CUX1: variants seen among roughly 807,000 people sequenced by gnomAD.
The protein encoded by CUX1 is protein CASP.
A neutral mutation model predicts 158.8 loss-of-function variants in CUX1; 31 were observed. The observed-to-expected ratio is 0.20, with a 90% CI of 0.15 to 0.26. The LOEUF is 0.26. CUX1 is among the 10% of genes least tolerant of loss of function. The pLI is 1.00. For missense variants in CUX1, 1,589 were observed against 2,014.6 expected, an observed-to-expected ratio of 0.79 and a Z score of 4.04; for synonymous variants, 879 against 862.1, an observed-to-expected ratio of 1.02 and a Z score of -0.34.
Position 102,196,940 on chromosome 7 carries a change from G to T in CUX1, c.1529G>T (p.Gly510Val). 1 of 1,614,098 alleles carries T rather than the reference G, an allele frequency of 6.2e-7. No homozygotes were observed. Among genetic ancestry groups the T allele is most frequent in the Non-Finnish European group, 8.5e-7 (1 of 1,180,014 alleles). The change falls in exon 15 of 24, where the codon GGT (glycine) becomes GTT (valine). Residue 510 changes from glycine to valine, a missense_variant. Gly to Val is a moderately radical substitution (Grantham distance 109, BLOSUM62 -3). Around this residue, in one of 8 missense-constraint regions of CUX1, gnomAD observed 515 missense variants for 574.4 expected, o/e 0.90. Transcript: ENST00000292535. ...AGCACAAGCATGATTTTTTCAACAG[G>T]TCCATACAGCACAAACTCCATATCT... is the stretch of plus-strand genomic sequence containing the variant. ...AGSTSMIFST[G>V]PYSTNSISSQ...
chr7:102,127,955 C>G (rs1341263179), intron 8 of CUX1, among the ~76,000 whole-genome samples: 3 of 152,236 alleles, frequency 2.0e-5, no homozygotes, highest in Non-Finnish European at 2.9e-5. Context: ...TTAAGCGATT[C>G]TTCTGCCTCG....
At chr7:101,980,589 C>A (rs1217692331) in intron 2 of CUX1, among the ~76,000 whole-genome samples, 2 of 152,174 alleles carry the variant, frequency 1.3e-5, no homozygotes, top group African/African-American at 4.8e-5. Flanking sequence ...TGACACAATC[C>A]AAAGTAGGTG....
chr7:102,084,732 A>C (rs1474745177), intron 4 of CUX1, among the ~76,000 whole-genome samples: 1 of 116,502 alleles, frequency 8.6e-6, no homozygotes, highest in African/African-American at 2.6e-5. Context: ...CACAATATAT[A>C]CTTTATTGAT....
chr7:102,061,372 A>G (rs574395548), intron 3 of CUX1, among the ~76,000 whole-genome samples: 2 of 152,208 alleles, frequency 1.3e-5, no homozygotes, highest in South Asian at 4.2e-4. Context: ...GCAATGCTGG[A>G]TGTTATCATA....
rs1440557523 is a variant in CUX1 at position 102,064,423 on chromosome 7, C to T, written c.190-5916C>T. ...GGCACGAGGTAGCTGGAATTCTAGC[C>T]TAGGATTCTCTCTTCAGCAATTCTT... On this transcript the variant is annotated intron_variant, in intron 3 of 23. Coordinates refer to ENST00000292535, the MANE Select transcript of CUX1 (RefSeq NM_181552.4). Among the ~76,000 whole-genome samples, 6 of 152,208 alleles carry T rather than the reference C, an allele frequency of 3.9e-5. No individual in the cohort carries two copies. In the East Asian group the frequency reaches 1.2e-3, roughly 29 times the overall value.
At chr7:101,951,147 TAGCAA>T (rs1480177451) in intron 2 of CUX1, among the ~76,000 whole-genome samples, 3 of 152,088 alleles carry the variant, frequency 2.0e-5, no homozygotes, top group Non-Finnish European at 4.4e-5. Context: ...CTGGGCAACA[TAGCAA>T]AACACCATCT....
chr7:102,190,485 C>G (rs1259837435), intron 12 of CUX1, among the ~76,000 whole-genome samples: 2 of 152,148 alleles, frequency 1.3e-5, no homozygotes, highest in Non-Finnish European at 2.9e-5. Context: ...CCCCCCACAT[C>G]CATAATGCTC....
chr7:101,865,109 C>T (rs533609786), intron 1 of CUX1, among the ~76,000 whole-genome samples: 2 of 152,296 alleles, frequency 1.3e-5, no homozygotes, highest in South Asian at 2.1e-4. Flanking sequence ...GCCTTAGCCT[C>T]GGCCCTGGGA....
intron 2 of CUX1, among the ~76,000 whole-genome samples, chr7:101,921,705 AC>A (rs1350227346): frequency 2.6e-5 from 4 of 151,648 alleles, no homozygotes; most frequent in Admixed American, 6.6e-5. Flanking sequence ...CAGGTGATCC[AC>A]CCGCCTCGGC....
At chr7:102,234,668 T>C (rs1166622217) in intron 22 of CUX1, among the ~76,000 whole-genome samples, 1 of 150,468 alleles carries the variant, frequency 6.6e-6, no homozygotes, top group Non-Finnish European at 1.5e-5. Context: ...GCCTGTAATC[T>C]CAGCACTTTG....
At chr7:102,214,488 C>CATTT (rs1186168877) in intron 20 of CUX1, among the ~76,000 whole-genome samples, 23 of 152,238 alleles carry the variant, frequency 1.5e-4, no homozygotes, top group Non-Finnish European at 1.3e-4. Flanking sequence ...ATGGAAGCCA[C>CATTT]ATTTACTAGG....
At chr7:102,229,497 A>G (rs1225822965) in intron 21 of CUX1, among the ~76,000 whole-genome samples, 1 of 150,618 alleles carries the variant, frequency 6.6e-6, no homozygotes, top group Non-Finnish European at 1.5e-5. Context: ...TTTTTAGTAG[A>G]GACAGGGTTT....
intron 23 of CUX1, among the ~76,000 whole-genome samples, chr7:102,241,438 G>A (rs538019113): frequency 2.0e-5 from 3 of 152,232 alleles, no homozygotes; most frequent in Admixed American, 1.3e-4. Context: ...GTCACCCTAC[G>A]TAGGTCTAGC....
At chr7:102,056,137 C>T (rs1585446982) in intron 3 of CUX1, among the ~76,000 whole-genome samples, 1 of 152,186 alleles carries the variant, frequency 6.6e-6, no homozygotes, top group Non-Finnish European at 1.5e-5. Context: ...AATTTATCTC[C>T]ATAATACAAA....
intron 8 of CUX1, among the ~76,000 whole-genome samples, chr7:102,152,047 C>CA (rs1292721436): frequency 2.6e-5 from 4 of 151,760 alleles, no homozygotes; most frequent in Non-Finnish European, 5.9e-5. Context: ...TTTGTCTCTA[C>CA]AAAAAAGAAA....
chr7:102,251,595 G>C lies in CUX1; in HGVS notation c.*2553G>C. 6.1e-6 allele frequency: 6 copies of C among 985,332 alleles called. No homozygotes were observed. Among genetic ancestry groups the C allele is most frequent in the Non-Finnish European group, 7.2e-6 (6 of 829,912 alleles). 61.0% of individuals were successfully genotyped at this position (985,332 alleles called of 1,614,324 possible). A position where few individuals can be genotyped will look rare whatever the true frequency, so the allele number is the denominator to read the frequency against. On this transcript the variant is annotated 3_prime_UTR_variant, in exon 24 of 24. Coordinates refer to ENST00000292535, the MANE Select transcript of CUX1 (RefSeq NM_181552.4). ...GGGAGAAGAGAATTCAAAATTAGAG[G>C]AGCTTAAGGGGACACGGGTCAACAT...
At chr7:102,233,250 A>G (rs1403694877) in intron 21 of CUX1, among the ~76,000 whole-genome samples, 4 of 143,570 alleles carry the variant, frequency 2.8e-5, no homozygotes, top group Non-Finnish European at 4.5e-5. Flanking sequence ...CAGTGGTGCA[A>G]TCATAGCTCA....
At chr7:101,864,835 G>A (rs1797783722) in intron 1 of CUX1, among the ~76,000 whole-genome samples, 1 of 152,204 alleles carries the variant, frequency 6.6e-6, no homozygotes, top group Non-Finnish European at 1.5e-5. Flanking sequence ...ACAGGCATGA[G>A]CCACTGTGCC....
At chr7:102,037,275 GA>G (rs1821545897) in intron 3 of CUX1, among the ~76,000 whole-genome samples, 1 of 152,004 alleles carries the variant, frequency 6.6e-6, no homozygotes, top group African/African-American at 2.4e-5. Context: ...GAGAGTCTTA[GA>G]TCAAAGCTTT....
Sources: gnomAD v4.1 joint callset for allele counts (sites outside exome capture counted in the v4.1 genomes callset) on GRCh38, gnomAD v4.1.1 for gene constraint, gnomAD v4.1.1 regional missense constraint, MANE v1.5 for transcripts, NCBI Gene and HGNC (gene_info 2026-07-23, HGNC 2026-07-21) for gene names.